ZNF385D: variants seen among roughly 807,000 people sequenced by gnomAD.
The protein encoded by ZNF385D is zinc finger protein 385D.
A neutral mutation model predicts 35.8 loss-of-function variants in ZNF385D; 15 were observed. That is an observed-to-expected ratio of 0.42 (90% confidence interval 0.28 to 0.64). The LOEUF (loss-of-function observed/expected upper bound fraction) is 0.64. Among genes scored for constraint, ZNF385D ranks in the 30% least tolerant of loss-of-function variants. ZNF385D has a pLI of 0.23. For synonymous variants in ZNF385D, 212 were observed against 186.8 expected (o/e 1.13, Z -1.10); for missense variants, 474 against 494.6 (o/e 0.96, Z 0.39).
chr3:22,167,499 C>T (rs1706412413), intron 3 of ZNF385D, among the ~76,000 whole-genome samples: 1 of 152,160 alleles, frequency 6.6e-6, no homozygotes, highest in South Asian at 2.1e-4. Context: ...GTCAGCATAT[C>T]CTCATTCTTC....
At chr3:22,361,711 G>T (rs1014386187) in intron 2 of ZNF385D, among the ~76,000 whole-genome samples, 3 of 151,954 alleles carry the variant, frequency 2.0e-5, no homozygotes, top group Non-Finnish European at 2.9e-5. Flanking sequence ...AAACTATTCA[G>T]GGCAGCAGAG....
chr3:22,308,783 C>T (rs1038756959), intron 2 of ZNF385D, among the ~76,000 whole-genome samples: 1 of 152,118 alleles, frequency 6.6e-6, no homozygotes, highest in Non-Finnish European at 1.5e-5. Context: ...CAATGACTTA[C>T]ACTAACATTA....
chr3:21,738,842 T>C (rs11129019), intron 1 of ZNF385D, among the ~76,000 whole-genome samples: 31,878 of 152,166 alleles, frequency 0.21, 3,410 homozygotes, highest in Middle Eastern at 0.33. Context: ...TTTCTGCAAT[T>C]GCATTTTATA....
At chr3:22,004,433 G>A (rs552267312) in intron 3 of ZNF385D, among the ~76,000 whole-genome samples, 86 of 152,274 alleles carry the variant, frequency 5.6e-4, no homozygotes, top group Non-Finnish European at 5.9e-4. Flanking sequence ...AGACAAATGA[G>A]ATTATATTAA....
intron 3 of ZNF385D, among the ~76,000 whole-genome samples, chr3:21,944,821 G>T (rs573997087): frequency 6.6e-6 from 1 of 151,990 alleles, no homozygotes; most frequent in East Asian, 1.9e-4. Context: ...GAATAAATGA[G>T]CAAATTCATT....
At chr3:21,990,982 G>A (rs80243437) in intron 3 of ZNF385D, among the ~76,000 whole-genome samples, 1,813 of 152,300 alleles carry the variant, frequency 0.012, 39 homozygotes, top group African/African-American at 0.042. Context: ...ACTGTACCAA[G>A]AATTAGAATG....
chr3:22,229,119 G>A (rs1698734096), intron 2 of ZNF385D, among the ~76,000 whole-genome samples: 1 of 152,098 alleles, frequency 6.6e-6, no homozygotes, highest in South Asian at 2.1e-4. Flanking sequence ...TATTAGTCCT[G>A]TCCCTCTAAA....
At chr3:21,485,467 T>C (rs1302140941) in intron 4 of ZNF385D, among the ~76,000 whole-genome samples, 2 of 152,176 alleles carry the variant, frequency 1.3e-5, no homozygotes, top group African/African-American at 4.8e-5. Context: ...CTTACCTTTC[T>C]GGCACATCAA....
At chr3:22,150,635 C>T (rs572374756) in intron 3 of ZNF385D, among the ~76,000 whole-genome samples, 16 of 152,040 alleles carry the variant, frequency 1.1e-4, no homozygotes, top group Non-Finnish European at 1.3e-4. Flanking sequence ...AGTCCACTAA[C>T]GTTAAATTAC....
intron 4 of ZNF385D, among the ~76,000 whole-genome samples, chr3:21,476,088 C>T (rs1194033714): frequency 6.6e-6 from 1 of 152,138 alleles, no homozygotes; most frequent in Non-Finnish European, 1.5e-5. Context: ...AAACATTGCT[C>T]ATCTCTGAAC....
chr3:21,657,256 CAG>C (rs1473403768), intron 2 of ZNF385D, among the ~76,000 whole-genome samples: 2 of 151,894 alleles, frequency 1.3e-5, no homozygotes, highest in Non-Finnish European at 2.9e-5. Context: ...GATTTTGAAT[CAG>C]AGGAGAATGC....
intron 2 of ZNF385D, among the ~76,000 whole-genome samples, chr3:22,212,839 C>G (rs142762653): frequency 1.6e-3 from 246 of 151,922 alleles, no homozygotes; most frequent in African/African-American, 5.5e-3. Flanking sequence ...TATGGCCTTT[C>G]TGAGAAGAAA....
At chr3:22,212,952 T>C (rs1325416037) in intron 2 of ZNF385D, among the ~76,000 whole-genome samples, 2 of 152,148 alleles carry the variant, frequency 1.3e-5, no homozygotes, top group South Asian at 2.1e-4. Flanking sequence ...TTAGAACCAA[T>C]AGACTGTTTA....
Position 21,421,307 on chromosome 3 carries a change from C to G in ZNF385D, c.1095G>C (p.Leu365=), listed in dbSNP as rs1272381089. 6.2e-7 allele frequency: 1 copy of G among 1,614,086 alleles called. No individual in the cohort carries two copies. The highest frequency in any genetic ancestry group is 8.5e-7 in the Non-Finnish European group (1 of 1,180,000). ...CCGGAGGAAGCGCGGAAGTCTGGAACAGTGTTGCTGCTGGAGCAGTTCGAA... is the reference window on the plus strand; with the variant it reads ...CCGGAGGAAGCGCGGAAGTCTGGAAGAGTGTTGCTGCTGGAGCAGTTCGAA... ...FSLRTAPAAT[L]FQTSALPPAL... is the part of the protein sequence containing the mutation. The change falls in exon 8 of 8, where the codon CTG becomes CTC. Residue 365 remains leucine (L), a synonymous_variant. Coordinates refer to ENST00000281523, the MANE Select transcript of ZNF385D (RefSeq NM_024697.3).
At chr3:21,559,960 C>A (rs1047826263) in intron 3 of ZNF385D, among the ~76,000 whole-genome samples, 1 of 152,130 alleles carries the variant, frequency 6.6e-6, no homozygotes, top group African/African-American at 2.4e-5. Context: ...GCTATTGATA[C>A]TTGTGTATGC....
intron 3 of ZNF385D, among the ~76,000 whole-genome samples, chr3:22,009,634 T>TAA (rs11335620): frequency 7.5e-6 from 1 of 132,524 alleles, no homozygotes; most frequent in Non-Finnish European, 1.7e-5. Flanking sequence ...AAAAAAAAAA[T>TAA]AAAAAAAAAA....
At chr3:21,665,494 A>C (rs2125263746) in intron 1 of ZNF385D, among the ~76,000 whole-genome samples, 1 of 152,314 alleles carries the variant, frequency 6.6e-6, no homozygotes, top group Admixed American at 6.5e-5. Flanking sequence ...GATTACATGA[A>C]CTTGGCACAT....
At chr3:22,117,152 G>C (rs1279843951) in intron 3 of ZNF385D, among the ~76,000 whole-genome samples, 4 of 151,928 alleles carry the variant, frequency 2.6e-5, no homozygotes, top group Non-Finnish European at 5.9e-5. Context: ...ACATACTTAT[G>C]TTAACAAACA....
chr3:21,772,269 C>A (rs555335334), intron 3 of ZNF385D, among the ~76,000 whole-genome samples: 1 of 151,930 alleles, frequency 6.6e-6, no homozygotes, highest in South Asian at 2.1e-4. Context: ...CCAAAAGATA[C>A]TATCAGCAGA....
Sources: gnomAD v4.1 joint callset for allele counts (sites outside exome capture counted in the v4.1 genomes callset) on GRCh38, gnomAD v4.1.1 for gene constraint, MANE v1.5 for transcripts, NCBI Gene and HGNC (gene_info 2026-07-23, HGNC 2026-07-21) for gene names.